The following XKR6 variants were observed in gnomAD, a reference collection of about 807,000 sequenced individuals.
The protein encoded by XKR6 is XK-related protein 6.
A neutral mutation model predicts 56.7 loss-of-function variants in XKR6; 22 were observed. The ratio of observed to expected loss-of-function variants is 0.39; its 90% confidence interval spans 0.28 to 0.55. The LOEUF (loss-of-function observed/expected upper bound fraction) is 0.55. Ranked by LOEUF, XKR6 falls within the 20% of genes least tolerant of loss-of-function variation. XKR6 has a pLI of 0.66. For missense variants in XKR6, 852 were observed against 889.0 expected, an observed-to-expected ratio of 0.96 and a Z score of 0.53; for synonymous variants, 524 against 387.8, an observed-to-expected ratio of 1.35 and a Z score of -4.13.
At chr8:11,172,356 C>G (rs1197314838) in intron 1 of XKR6, among the ~76,000 whole-genome samples, 1 of 152,032 alleles carries the variant, frequency 6.6e-6, no homozygotes, top group Non-Finnish European at 1.5e-5. Context: ...GTCGACAGAC[C>G]CTGTCTCAAA....
chr8:10,998,103 G>C (rs1401218775), intron 1 of XKR6, among the ~76,000 whole-genome samples: 1 of 152,106 alleles, frequency 6.6e-6, no homozygotes, highest in Admixed American at 6.6e-5. Context: ...ACCCCAGAGA[G>C]GGTCCAGCAC....
chr8:11,082,446 G>A (rs1010063577), intron 1 of XKR6, among the ~76,000 whole-genome samples: 1 of 152,246 alleles, frequency 6.6e-6, no homozygotes, highest in South Asian at 2.1e-4. Flanking sequence ...GCTTCACCGG[G>A]CAAACAGTGC....
intron 1 of XKR6, among the ~76,000 whole-genome samples, chr8:11,188,135 T>C (rs1042909035): frequency 5.9e-5 from 9 of 152,168 alleles, no homozygotes; most frequent in African/African-American, 1.9e-4. Context: ...ATCGCTAATT[T>C]GAGATAGTGA....
chr8:11,050,158 C>T (rs1799508815), intron 1 of XKR6, among the ~76,000 whole-genome samples: 1 of 152,206 alleles, frequency 6.6e-6, no homozygotes, highest in South Asian at 2.1e-4. Context: ...TTGTGGCTAG[C>T]ACACGGAGAC....
intron 1 of XKR6, among the ~76,000 whole-genome samples, chr8:10,943,620 T>C (rs966688838): frequency 6.6e-6 from 1 of 152,176 alleles, no homozygotes; most frequent in African/African-American, 2.4e-5. Context: ...GTAGCTACCA[T>C]TTCTGTACCA....
intron 1 of XKR6, among the ~76,000 whole-genome samples, chr8:11,077,122 A>C (rs1800294437): frequency 6.6e-6 from 1 of 152,116 alleles, no homozygotes; most frequent in Non-Finnish European, 1.5e-5. Flanking sequence ...GGCTACAGTG[A>C]GCCATGATCA....
chr8:10,898,479 C>T lies in XKR6; in HGVS notation c.1399G>A (p.Glu467Lys). Residue 467 changes from glutamate (E) to lysine (K), a missense_variant, in exon 3 of 3, where the codon GAG (glutamate) becomes AAG (lysine). Glu to Lys is a moderately conservative substitution (Grantham distance 56). Around this residue, in one of 4 missense-constraint regions of XKR6, gnomAD observed 197 missense variants for 190.9 expected, o/e 1.03. Transcript: ENST00000416569. The surrounding 1 kb of genome is among the most constrained non-coding windows in gnomAD (Gnocchi z 6.6). The part of the protein sequence containing the change: ...TFLWYFYRDP[E>K]TTDSYAVPAL... ...GGCACCGCATAGGAGTCAGTGGTCT[C>T]CGGGTCTCTGTAAAAATACCAAAGG... 1 of 1,613,934 alleles carries T rather than the reference C, an allele frequency of 6.2e-7. No individual in the cohort carries two copies. The highest frequency in any genetic ancestry group is 8.5e-7 in the Non-Finnish European group (1 of 1,180,004).
intron 2 of XKR6, among the ~76,000 whole-genome samples, chr8:10,921,198 T>G (rs1482110381): frequency 6.6e-6 from 1 of 152,262 alleles, no homozygotes; most frequent in Non-Finnish European, 1.5e-5. Context: ...CTCCAGAGAT[T>G]TGGTGCCCAG....
chr8:11,141,186 T>C (rs937107096), intron 1 of XKR6, among the ~76,000 whole-genome samples: 20 of 152,220 alleles, frequency 1.3e-4, no homozygotes, highest in Admixed American at 1.0e-3. Context: ...GTAGTACTAG[T>C]ACTGTTATTC....
chr8:10,971,566 C>G (rs1290343392), intron 1 of XKR6, among the ~76,000 whole-genome samples: 1 of 152,120 alleles, frequency 6.6e-6, no homozygotes, highest in East Asian at 1.9e-4. Context: ...GAGACCAACC[C>G]TTCCTCTAGG....
chr8:11,015,984 C>T (rs1563347363), intron 1 of XKR6, among the ~76,000 whole-genome samples: 2 of 152,300 alleles, frequency 1.3e-5, no homozygotes, highest in Admixed American at 1.3e-4. Context: ...GGCAGCAGGG[C>T]TCAGACGATC....
At chr8:11,019,587 A>T (rs889682418) in intron 1 of XKR6, among the ~76,000 whole-genome samples, 1 of 152,118 alleles carries the variant, frequency 6.6e-6, no homozygotes, top group African/African-American at 2.4e-5. Context: ...TTCCAGCTGT[A>T]CCCAGGCCCA....
intron 1 of XKR6, among the ~76,000 whole-genome samples, chr8:10,956,925 T>C (rs1801907935): frequency 6.6e-6 from 1 of 152,226 alleles, no homozygotes; most frequent in African/African-American, 2.4e-5. Flanking sequence ...TTTCTTACCC[T>C]AGTCCTGGCC....
chr8:10,984,794 A>G (rs1002163429), intron 1 of XKR6, among the ~76,000 whole-genome samples: 1 of 147,312 alleles, frequency 6.8e-6, no homozygotes, highest in Admixed American at 6.8e-5. Context: ...TTAAAACTCT[A>G]CTAAGCAAAT....
intron 1 of XKR6, among the ~76,000 whole-genome samples, chr8:11,154,324 A>G (rs1801403773): frequency 6.6e-6 from 1 of 152,098 alleles, no homozygotes; most frequent in Non-Finnish European, 1.5e-5. Context: ...AAAAATCAGA[A>G]GAGATTCCTT....
chr8:10,980,857 G>A (rs1366025401), intron 1 of XKR6, among the ~76,000 whole-genome samples: 3 of 152,102 alleles, frequency 2.0e-5, no homozygotes, highest in Non-Finnish European at 1.5e-5. Context: ...CTGTCTGTCT[G>A]TCTATTTCTG....
intron 1 of XKR6, among the ~76,000 whole-genome samples, chr8:11,053,464 T>C (rs1799605875): frequency 6.6e-6 from 1 of 152,192 alleles, no homozygotes; most frequent in Non-Finnish European, 1.5e-5. Flanking sequence ...GCTGCATCTC[T>C]TCCCCATTCC....
intron 1 of XKR6, among the ~76,000 whole-genome samples, chr8:11,012,181 G>A (rs910382512): frequency 4.6e-5 from 7 of 152,168 alleles, no homozygotes; most frequent in African/African-American, 1.7e-4. Flanking sequence ...TGTCATTCAG[G>A]TCACAGGACC....
At chr8:11,070,878 T>C (rs1800097375) in intron 1 of XKR6, among the ~76,000 whole-genome samples, 1 of 152,160 alleles carries the variant, frequency 6.6e-6, no homozygotes, top group Non-Finnish European at 1.5e-5. Context: ...CTGCCCCTCA[T>C]TCCTCCTGCT....
Sources: allele counts gnomAD v4.1 joint callset (sites outside exome capture counted in the v4.1 genomes callset), GRCh38; gene constraint gnomAD v4.1.1; regional missense constraint gnomAD v4.1.1; non-coding constraint Gnocchi (gnomAD v3.1); transcripts MANE v1.5; gene names NCBI Gene and HGNC (gene_info 2026-07-23, HGNC 2026-07-21).